LRRC9: variants seen among roughly 807,000 people sequenced by gnomAD.
LRRC9 encodes the protein leucine rich repeat containing 9.
In LRRC9, 122 loss-of-function variants were observed where a neutral mutation model predicts 63.2. The observed-to-expected ratio is 1.93, with a 90% confidence interval of 1.67 to 2.24. The LOEUF (loss-of-function observed/expected upper bound fraction) is 2.24, where lower values mean the gene tolerates loss of function less well. Among genes scored for constraint, LRRC9 ranks in the 30% most tolerant of loss-of-function variants. The pLI is 0.00. For missense variants in LRRC9, 1,071 were observed against 627.7 expected (o/e 1.71, Z -7.55); for synonymous variants, 366 against 213.1 (o/e 1.72, Z -6.25).
intron 1 of LRRC9, among the ~76,000 whole-genome samples, chr14:59,925,184 C>A (rs755782445): frequency 6.6e-6 from 1 of 152,138 alleles, no homozygotes. Flanking sequence ...GTGGTGCTAG[C>A]TTGGGTCCCA....
At chr14:59,952,220 C>T (rs1485101408) in intron 8 of LRRC9, among the ~76,000 whole-genome samples, 11 of 151,942 alleles carry the variant, frequency 7.2e-5, no homozygotes, top group Admixed American at 1.3e-4. Flanking sequence ...TTTTTTAAGC[C>T]GGTCTGAAAA....
intron 17 of LRRC9, among the ~76,000 whole-genome samples, chr14:59,991,209 C>T (rs572944704): frequency 1.3e-5 from 2 of 152,268 alleles, no homozygotes; most frequent in South Asian, 4.1e-4. Context: ...CTTTGGGATA[C>T]TCATCTTTAC....
exon 12 of LRRC9, chr14:59,967,178 C>T: frequency 1.6e-6 from 1 of 631,642 alleles, no homozygotes; most frequent in South Asian, 1.8e-5. Context: ...TCTACAAATA[C>T]TTGAAAAAGG....
Position 60,010,448 on chromosome 14 carries a change from G to A in LRRC9, c.3186+2234G>A, listed in dbSNP as rs145938737. Among the ~76,000 whole-genome samples, 772 of 95,204 alleles carry A rather than the reference G, an allele frequency of 8.1e-3. 13 individuals carry two copies. Among genetic ancestry groups the A allele is most frequent in the African/African-American group, 0.021 (728 of 35,188 alleles). 62.5% of individuals were successfully genotyped at this position (95,204 alleles called of 152,430 possible). On this transcript the variant is annotated intron_variant, in intron 23 of 31. Transcript: ENST00000445360. The stretch of plus-strand genomic sequence containing the variant: ...GGCTGCATAAAGTATGGGGGCCCTG[G>A]ACCACTCCAGGAAACCGTTTTTCCC...
chr14:59,977,874 T>C, intron 14 of LRRC9, 143 bp from the exon 15 acceptor site: 1 of 511,302 alleles, frequency 2.0e-6, no homozygotes, highest in South Asian at 3.2e-5. Context: ...TTGTTATTTA[T>C]TTAAAAATGA....
intron 20 of LRRC9, among the ~76,000 whole-genome samples, chr14:60,002,614 A>G (rs559390782): frequency 4.6e-5 from 7 of 152,318 alleles, no homozygotes; most frequent in African/African-American, 1.4e-4. Flanking sequence ...TAAAAATAAG[A>G]AAGACATTGT....
chr14:60,055,739 A>C lies in LRRC9; in HGVS notation c.4132-2139A>C, dbSNP rs141343087. ...AAAACCTTGTCTCTATTTAAAAAAA[A>C]AAAAAAACAAAAAAAACTAGCCAGG... is the stretch of plus-strand genomic sequence containing the variant. On this transcript the variant is annotated intron_variant, in intron 30 of 31. Transcript: ENST00000445360. Among the ~76,000 whole-genome samples, 847 of 149,100 alleles carry C rather than the reference A, an allele frequency of 5.7e-3. 6 individuals are homozygous for C. The highest frequency in any genetic ancestry group is 0.014 in the Middle Eastern group (4 of 292).
At chr14:60,013,168 A>G (rs900846406) in intron 23 of LRRC9, among the ~76,000 whole-genome samples, 15 of 143,798 alleles carry the variant, frequency 1.0e-4, no homozygotes, top group African/African-American at 3.9e-4. Context: ...TTGAGGATTC[A>G]ACAAGAGAAG....
At chr14:59,921,168 T>A (rs1305163570) in intron 1 of LRRC9, among the ~76,000 whole-genome samples, 2 of 152,040 alleles carry the variant, frequency 1.3e-5, no homozygotes, top group Non-Finnish European at 1.5e-5. Context: ...AAACAGCCCA[T>A]GCCAAAGTAC....
At chr14:60,065,110 A>T (rs1894853016), downstream of LRRC9, among the ~76,000 whole-genome samples, 1 of 152,082 alleles carries the variant, frequency 6.6e-6, no homozygotes, top group Non-Finnish European at 1.5e-5. Flanking sequence ...AGCCGGGCGC[A>T]GTGGCTCACA....
At chr14:60,038,350 A>C (rs974071154) in intron 29 of LRRC9, among the ~76,000 whole-genome samples, 3 of 152,148 alleles carry the variant, frequency 2.0e-5, no homozygotes, top group South Asian at 2.1e-4. Context: ...TATAAATTAC[A>C]TTGGGCAGTA....
rs182548379 is a variant in LRRC9 at position 59,982,204 on chromosome 14, A to G, written c.2091+144A>G. The G allele has an allele frequency of 6.8e-5, 39 of 571,702 alleles. No homozygotes were observed. The African/African-American group carries it at 7.3e-4, about 11-fold the overall frequency. The allele number at this position is 571,702 out of a possible 1,614,324, so 35.4% of individuals were successfully genotyped here. On this transcript the variant is annotated intron_variant, in intron 16 of 31. Transcript: ENST00000445360. ...CTAAAGCGTCCATTTCTCTTTTTCT[A>G]CTTGGATTAAATCAGTGCTCTCTAG...
chr14:60,002,162 G>A (rs1485791214), intron 20 of LRRC9, 62 bp downstream of exon 20: 1 of 625,162 alleles, frequency 1.6e-6, no homozygotes, highest in Non-Finnish European at 2.9e-6. Flanking sequence ...TTAAGTCAGT[G>A]TTGGTCTGTG....
rs986332183 is a variant in LRRC9, at chr14:59,995,204, T to C, written c.2212-2452T>C. 2.2e-4 allele frequency among the ~76,000 whole-genome samples: 34 copies of C among 152,164 alleles called. 1 individual carries two copies. The highest frequency in any genetic ancestry group is 7.9e-4 in the Admixed American group (12 of 15,278). On this transcript the variant is annotated intron_variant, in intron 17 of 31. Transcript: ENST00000445360. ...AAACAAGATATCCACATAAGGCAAATTGAAATGTAATAAGCTGCATGTCTG... is the reference window on the plus strand; with the variant it reads ...AAACAAGATATCCACATAAGGCAAACTGAAATGTAATAAGCTGCATGTCTG...
chr14:60,028,338 G>A (rs796854591), intron 28 of LRRC9, among the ~76,000 whole-genome samples: 5 of 152,146 alleles, frequency 3.3e-5, no homozygotes, highest in South Asian at 2.1e-4. Flanking sequence ...TTAGTTCTAC[G>A]TGTTCTAAGG....
chr14:60,048,914 A>G (rs559953577), intron 29 of LRRC9, among the ~76,000 whole-genome samples: 1 of 152,206 alleles, frequency 6.6e-6, no homozygotes, highest in Non-Finnish European at 1.5e-5. Context: ...ATCCAGCAGC[A>G]TATCAAAAGG....
At chr14:60,061,376 C>T (rs767439326) in intron 31 of LRRC9, among the ~76,000 whole-genome samples, 5 of 152,200 alleles carry the variant, frequency 3.3e-5, no homozygotes, top group Non-Finnish European at 5.9e-5. Flanking sequence ...TGAGACAAGA[C>T]CCTCCAACAG....
chr14:59,965,920 A>AAAAAAAAAT (rs1274886982), intron 10 of LRRC9, among the ~76,000 whole-genome samples: 4 of 136,384 alleles, frequency 2.9e-5, no homozygotes, highest in Non-Finnish European at 4.7e-5. Context: ...AAAAAAAAAA[A>AAAAAAAAAT]GATACTGGTG....
rs971523046 is a variant in LRRC9, at chr14:60,049,529, G to A, written c.3991-3536G>A. The stretch of plus-strand genomic sequence containing the variant: ...TCACTTGTGAAACTTAGTTTGGCCA[G>A]ATATGAAATTCTAGGTTGGAAATTC... On this transcript the variant is annotated intron_variant, in intron 29 of 31. Coordinates refer to ENST00000445360, the Ensembl canonical transcript of LRRC9. 9.8e-5 allele frequency among the ~76,000 whole-genome samples: 15 copies of A among 152,298 alleles called. 1 individual carries two copies. Among genetic ancestry groups the A allele is most frequent in the Admixed American group, 6.5e-4 (10 of 15,308 alleles).
Sources: allele counts gnomAD v4.1 joint callset (sites outside exome capture counted in the v4.1 genomes callset), GRCh38; gene constraint gnomAD v4.1.1; transcripts MANE v1.5; gene names NCBI Gene and HGNC (gene_info 2026-07-23, HGNC 2026-07-21).